The following PCDHGA8 variants were observed in gnomAD, a reference collection of about 807,000 sequenced individuals.
PCDHGA8 encodes the protein protocadherin gamma-A8.
PCDHGA8 carries 45 observed loss-of-function variants against 59.2 expected under a neutral mutation model. The ratio of observed to expected loss-of-function variants is 0.76; its 90% CI spans 0.60 to 0.98. The LOEUF is 0.98. Ranked by LOEUF, PCDHGA8 falls within the 50% of genes least tolerant of loss-of-function variation. The probability of loss-of-function intolerance (pLI) is 0.00; values close to 1 mark genes in which losing one functional copy is unlikely to be tolerated. For missense variants in PCDHGA8, 1,257 were observed against 1,196.2 expected, an observed-to-expected ratio of 1.05 and a Z score of -0.75; for synonymous variants, 531 against 519.0, an observed-to-expected ratio of 1.02 and a Z score of -0.32.
chr5:141,497,540 C>CA (rs1491509812), intron 2 of PCDHGA8, among the ~76,000 whole-genome samples: 7 of 134,922 alleles, frequency 5.2e-5, no homozygotes, highest in Admixed American at 1.5e-4. Flanking sequence ...TGCAACAAAC[C>CA]TTTTTTTTTT....
chr5:141,396,477 A>C (rs920260792), intron 1 of PCDHGA8: 1 of 152,040 alleles, frequency 6.6e-6, no homozygotes, highest in Non-Finnish European at 1.5e-5. Context: ...AAAATTAGCC[A>C]GGCATGGTGG....
At chr5:141,427,550 C>T (rs1310933864) in intron 1 of PCDHGA8, 1 of 643,730 alleles carries the variant, frequency 1.6e-6, no homozygotes, top group East Asian at 3.2e-5. Context: ...CCATCACTGC[C>T]ACTGACAAGG....
rs1239481973 is a variant in PCDHGA8 at position 141,491,585 on chromosome 5, C to G, written c.2425-3222C>G. On this transcript the variant is annotated intron_variant, in intron 1 of 3. Coordinates refer to ENST00000398604, the MANE Select transcript of PCDHGA8 (RefSeq NM_032088.2). The surrounding 1 kb of genome is among the most constrained non-coding windows in gnomAD (Gnocchi z 6.9). ...TACAGGACGTGCTTTTCACCGGCCT[C>G]GGACGGCAGTGACTTCACTTTTCTA... 6.2e-7 allele frequency: 1 copy of G among 1,613,964 alleles called. No individual in the cohort carries two copies.
rs150692324 is a variant in PCDHGA8 at position 141,431,149 on chromosome 5, G to T, written c.2424+35912G>T. 1.2e-6 allele frequency: 2 copies of T among 1,614,210 alleles called. No homozygotes were observed. Among genetic ancestry groups the T allele is most frequent in the Non-Finnish European group, 1.7e-6 (2 of 1,180,020 alleles). ...AAGTAAGGGACATTAACGACAATGC[G>T]CCTTACTTTCGTGAAAGTGAATTAG... On this transcript the variant is annotated intron_variant, in intron 1 of 3. Coordinates refer to ENST00000398604, the MANE Select transcript of PCDHGA8 (RefSeq NM_032088.2). This position sits in a 1 kb window ranked among gnomAD's most constrained non-coding sequence, Gnocchi z 4.8.
chr5:141,394,430 C>G lies in PCDHGA8; in HGVS notation c.1617C>G (p.Asp539Glu). 1.2e-6 allele frequency: 2 copies of G among 1,614,244 alleles called. No individual in the cohort carries two copies. The highest frequency in any genetic ancestry group is 1.7e-6 in the Non-Finnish European group (2 of 1,180,052). Residue 539 changes from aspartate to glutamate, a missense_variant, in exon 1 of 4, where the codon GAC becomes GAG. Coordinates refer to ENST00000398604, the MANE Select transcript of PCDHGA8 (RefSeq NM_032088.2). ...TGGTAACAGCCAGCGACAGCGGGGACCCGCCCCTCAGCAGCAACATGTCAC... is the reference window on the plus strand; with the variant it reads ...TGGTAACAGCCAGCGACAGCGGGGAGCCGCCCCTCAGCAGCAACATGTCAC... ...QLLVTASDSG[D>E]PPLSSNMSLS...
chr5:141,394,458 A>C lies in PCDHGA8; in HGVS notation c.1645A>C (p.Ser549Arg), dbSNP rs776488659. 1 of 1,614,100 alleles carries C rather than the reference A, an allele frequency of 6.2e-7. No individual in the cohort carries two copies. The highest frequency in any genetic ancestry group is 8.5e-7 in the Non-Finnish European group (1 of 1,180,044). Residue 549 changes from serine to arginine, a missense_variant, in exon 1 of 4, where the codon AGC becomes CGC. Physicochemically the swap from Ser to Arg is moderately radical, Grantham distance 110. Coordinates refer to ENST00000398604, the MANE Select transcript of PCDHGA8 (RefSeq NM_032088.2). The stretch of plus-strand genomic sequence containing the variant: ...GCCCCTCAGCAGCAACATGTCACTG[A>C]GCCTGTTCGTGCTGGACCAGAATGA... ...DPPLSSNMSL[S>R]LFVLDQNDNA...
At chr5:141,427,818 G>A (rs1356936077) in intron 1 of PCDHGA8, 3 of 1,530,644 alleles carry the variant, frequency 2.0e-6, no homozygotes, top group Non-Finnish European at 2.7e-6. Context: ...GAGCGGGGTG[G>A]TGGTCGCGCA....
At chr5:141,409,626 G>A (rs776642148) in intron 1 of PCDHGA8, 13 of 1,613,760 alleles carry the variant, frequency 8.1e-6, no homozygotes, top group Non-Finnish European at 5.1e-6. Flanking sequence ...GCGCAAGTGA[G>A]CGCCTCTGAC....
At position 141,476,043 on chromosome 5, in the gene PCDHGA8, A is replaced by T. The variant is rs2099384502; in HGVS notation, c.2425-18764A>T. 1 of 1,492,156 alleles carries T rather than the reference A, an allele frequency of 6.7e-7. No individual in the cohort carries two copies. Among genetic ancestry groups the T allele is most frequent in the African/African-American group, 1.4e-5 (1 of 71,628 alleles). The allele number at this position is 1,492,156 out of a possible 1,614,324, so 92.4% of individuals were successfully genotyped here. On this transcript the variant is annotated intron_variant, in intron 1 of 3. Coordinates refer to ENST00000398604, the MANE Select transcript of PCDHGA8 (RefSeq NM_032088.2). The surrounding 1 kb of genome is among the most constrained non-coding windows in gnomAD (Gnocchi z 7.6). ...ACTCGGCGCCCAGCGCCCAAGCGCT[A>T]ACCCGCTGAAAGTTTCTCAGCGAAA...
At position 141,430,831 on chromosome 5, in the gene PCDHGA8, G is replaced by A; in HGVS notation, c.2424+35594G>A. ...TGGGAATCCTCCTGGGGACTCTGTGGGAGACCGGATGCACCCAGATACGCT... is the reference window on the plus strand; with the variant it reads ...TGGGAATCCTCCTGGGGACTCTGTGAGAGACCGGATGCACCCAGATACGCT... On this transcript the variant is annotated intron_variant, in intron 1 of 3. Coordinates refer to ENST00000398604, the MANE Select transcript of PCDHGA8 (RefSeq NM_032088.2). 3 of 1,555,334 alleles carry A rather than the reference G, an allele frequency of 1.9e-6. No individual in the cohort carries two copies. In the South Asian group the frequency reaches 3.8e-5, roughly 19 times the overall value.
chr5:141,420,197 A>C (rs760921171), intron 1 of PCDHGA8: 2 of 1,613,630 alleles, frequency 1.2e-6, no homozygotes, highest in South Asian at 2.2e-5. Context: ...CACACAAGAT[A>C]ACCTCAACAA....
chr5:141,403,318 A>G, intron 1 of PCDHGA8: 1 of 1,613,982 alleles, frequency 6.2e-7, no homozygotes, highest in Non-Finnish European at 8.5e-7. Flanking sequence ...TAGAAATAGA[A>G]GTAACTGATA....
chr5:141,460,275 A>G (rs2154566824), intron 1 of PCDHGA8, among the ~76,000 whole-genome samples: 1 of 152,098 alleles, frequency 6.6e-6, no homozygotes, highest in East Asian at 1.9e-4. Context: ...TTTTTCTTTT[A>G]TAGTTTGTAT....
intron 1 of PCDHGA8, among the ~76,000 whole-genome samples, chr5:141,443,202 C>T (rs546748238): frequency 2.6e-5 from 4 of 152,172 alleles, no homozygotes; most frequent in Non-Finnish European, 1.5e-5. Flanking sequence ...GTACAAAGAG[C>T]TTGTCTCGCC....
intron 1 of PCDHGA8, among the ~76,000 whole-genome samples, chr5:141,452,054 C>A (rs578157525): frequency 6.4e-4 from 97 of 152,196 alleles, no homozygotes; most frequent in African/African-American, 2.2e-3. Flanking sequence ...TTTGTAATAA[C>A]TTATTCTACT....
chr5:141,489,066 C>G lies in PCDHGA8; in HGVS notation c.2425-5741C>G. The stretch of plus-strand genomic sequence containing the variant: ...CACTCAAATTCAGCTCCCCTCCCCC[C>G]TGCCCACCCCCGCCACTCGGTGACT... On this transcript the variant is annotated intron_variant, in intron 1 of 3. Transcript: ENST00000398604. This position sits in a 1 kb window ranked among gnomAD's most constrained non-coding sequence, Gnocchi z 4.5. 1 of 391,132 alleles carries G rather than the reference C, an allele frequency of 2.6e-6. No individual in the cohort carries two copies. Among genetic ancestry groups the G allele is most frequent in the South Asian group, 4.2e-5 (1 of 24,028 alleles). 24.2% of individuals were successfully genotyped at this position (391,132 alleles called of 1,614,324 possible).
rs182682202 is a variant in PCDHGA8 at position 141,445,418 on chromosome 5, T to A, written c.2425-49389T>A. Among the ~76,000 whole-genome samples the A allele has an allele frequency of 2.2e-3, 335 of 152,310 alleles. 1 individual carries two copies. Among genetic ancestry groups the A allele is most frequent in the Middle Eastern group, 0.01 (3 of 294 alleles). Reference sequence around the variant, plus strand: ...ACAAATATTTATTAACTGTCTGCTATATGCAAGGCACTGACCTATGGACTA... The same window carrying A: ...ACAAATATTTATTAACTGTCTGCTAAATGCAAGGCACTGACCTATGGACTA... On this transcript the variant is annotated intron_variant, in intron 1 of 3. Transcript: ENST00000398604.
At chr5:141,423,384 C>G (rs1196881147) in intron 1 of PCDHGA8, 1 of 1,614,054 alleles carries the variant, frequency 6.2e-7, no homozygotes, top group Non-Finnish European at 8.5e-7. Context: ...GGCTGTGGCG[C>G]TGGCATAAGT....
intron 2 of PCDHGA8, among the ~76,000 whole-genome samples, chr5:141,500,008 C>T (rs1027220192): frequency 6.6e-6 from 1 of 151,770 alleles, no homozygotes; most frequent in African/African-American, 2.4e-5. Flanking sequence ...TTCATAAGGT[C>T]CACATTTTAT....
Sources: allele counts gnomAD v4.1 joint callset (sites outside exome capture counted in the v4.1 genomes callset), GRCh38; gene constraint gnomAD v4.1.1; non-coding constraint Gnocchi (gnomAD v3.1); transcripts MANE v1.5; gene names NCBI Gene and HGNC (gene_info 2026-07-23, HGNC 2026-07-21).